FXN: variants seen among roughly 807,000 people sequenced by gnomAD.
FXN encodes frataxin, mitochondrial.
A neutral mutation model predicts 22.4 loss-of-function variants in FXN; 14 were observed. The observed-to-expected ratio is 0.62, with a 90% CI of 0.41 to 0.98. FXN has a LOEUF of 0.98. Ranked by LOEUF, FXN falls within the 50% of genes least tolerant of loss-of-function variation. FXN has a pLI of 0.00. For missense variants in FXN, 267 were observed against 268.4 expected, an observed-to-expected ratio of 0.99 and a Z score of 0.04; for synonymous variants, 120 against 114.1, an observed-to-expected ratio of 1.05 and a Z score of -0.33.
chr9:69,057,051 T>A (rs906658829), intron 3 of FXN, among the ~76,000 whole-genome samples: 1 of 152,154 alleles, frequency 6.6e-6, no homozygotes, highest in Non-Finnish European at 1.5e-5. Context: ...ATTACAGGCA[T>A]GAGCCACCAT....
chr9:69,072,608 C>G lies in FXN; in HGVS notation c.483-4C>G, dbSNP rs1832294732. On this transcript the variant is annotated splice_region_variant and splice_polypyrimidine_tract_variant and intron_variant, in intron 4 of 4. Coordinates refer to ENST00000484259, the MANE Select transcript of FXN (RefSeq NM_000144.5). The stretch of plus-strand genomic sequence containing the variant: ...AATTACTATGCATTTGTTTTGTCTT[C>G]CAGTGGACCTAAGCGTTATGACTGG... 6.2e-7 allele frequency: 1 copy of G among 1,613,960 alleles called. No individual in the cohort carries two copies. Among genetic ancestry groups the G allele is most frequent in the African/African-American group, 1.3e-5 (1 of 74,894 alleles).
intron 3 of FXN, among the ~76,000 whole-genome samples, chr9:69,058,438 A>G (rs144227164): frequency 0.01 from 1,526 of 151,984 alleles, 14 homozygotes; most frequent in Non-Finnish European, 0.018. Context: ...TAGATATTTT[A>G]ATAAGGATTT....
chr9:69,078,032 C>T lies in FXN; in HGVS notation c.*5270C>T, dbSNP rs915058069. On this transcript the variant is annotated 3_prime_UTR_variant, in exon 5 of 5. Coordinates refer to ENST00000484259, the MANE Select transcript of FXN (RefSeq NM_000144.5). ...TCCCAATTACATTCCTTTCCTACCG[C>T]ACTCTATGATGCTAGCTGAGATTTT... The T allele has an allele frequency of 6.1e-6, 6 of 985,370 alleles. No individual in the cohort carries two copies. Among genetic ancestry groups the T allele is most frequent in the Non-Finnish European group, 7.2e-6 (6 of 829,902 alleles). The allele number at this position is 985,370 out of a possible 1,614,324, so 61.0% of individuals were successfully genotyped here. A position where few individuals can be genotyped will look rare whatever the true frequency, so the allele number is the denominator to read the frequency against.
chr9:69,071,629 GC>G (rs1208436220), intron 4 of FXN, among the ~76,000 whole-genome samples: 2 of 152,220 alleles, frequency 1.3e-5, no homozygotes, highest in Admixed American at 1.3e-4. Context: ...ACGTGCATGT[GC>G]CATTATTCAC....
At chr9:69,053,830 G>T (rs1186054086) in intron 3 of FXN, among the ~76,000 whole-genome samples, 2 of 152,144 alleles carry the variant, frequency 1.3e-5, no homozygotes, top group African/African-American at 4.8e-5. Context: ...ACAGTGATGG[G>T]GTAGGTCGGG....
chr9:69,067,067 G>A (rs1005836304), intron 4 of FXN, among the ~76,000 whole-genome samples: 1 of 152,248 alleles, frequency 6.6e-6, no homozygotes, highest in Non-Finnish European at 1.5e-5. Context: ...AGAGAAGCGG[G>A]CCCTGAGGAC....
chr9:69,070,627 T>C (rs955316169), intron 4 of FXN, among the ~76,000 whole-genome samples: 1 of 152,222 alleles, frequency 6.6e-6, no homozygotes, highest in Admixed American at 6.5e-5. Flanking sequence ...GCAACTGTTA[T>C]TGGTTGATGC....
At chr9:69,039,064 C>T (rs1831610848) in intron 1 of FXN, among the ~76,000 whole-genome samples, 6 of 151,930 alleles carry the variant, frequency 3.9e-5, no homozygotes, top group South Asian at 4.2e-4. Flanking sequence ...ACCAGCCTGG[C>T]CAACATGGTG....
At chr9:69,061,626 G>A (rs1323424189) in intron 3 of FXN, among the ~76,000 whole-genome samples, 2 of 151,560 alleles carry the variant, frequency 1.3e-5, no homozygotes, top group African/African-American at 2.4e-5. Context: ...CCATTAACTC[G>A]TCATTTAGCA....
At chr9:69,052,487 G>C (rs1407722469) in intron 2 of FXN, among the ~76,000 whole-genome samples, 1 of 151,316 alleles carries the variant, frequency 6.6e-6, no homozygotes, top group Admixed American at 6.6e-5. Context: ...AGTTGCCTCT[G>C]GGAATGGGGG....
At chr9:69,045,524 C>G (rs986860530) in intron 1 of FXN, among the ~76,000 whole-genome samples, 1 of 151,880 alleles carries the variant, frequency 6.6e-6, no homozygotes, top group African/African-American at 2.4e-5. Flanking sequence ...ACCCGGGAGG[C>G]GGGGGTTGCA....
At chr9:69,054,817 G>A (rs1003506103) in intron 3 of FXN, among the ~76,000 whole-genome samples, 10 of 152,146 alleles carry the variant, frequency 6.6e-5, no homozygotes, top group Admixed American at 6.6e-4. Context: ...CCTCAAAGAT[G>A]TTAATCCTCT....
intron 3 of FXN, among the ~76,000 whole-genome samples, chr9:69,055,426 G>T (rs1191647864): frequency 6.6e-6 from 1 of 152,014 alleles, no homozygotes; most frequent in African/African-American, 2.4e-5. Context: ...AGAGTACTTT[G>T]CATGAATGTT....
At chr9:69,050,426 C>A (rs201863916) in intron 2 of FXN, among the ~76,000 whole-genome samples, 3 of 118 alleles carry the variant, frequency 0.025, 1 homozygote, top group Non-Finnish European at 1. Context: ...AGCTGATGAT[C>A]CTGGCTAACA....
intron 4 of FXN, among the ~76,000 whole-genome samples, chr9:69,065,359 C>T (rs1039374659): frequency 6.6e-6 from 1 of 152,052 alleles, no homozygotes; most frequent in African/African-American, 2.4e-5. Context: ...TGGGCAATGT[C>T]ACAAAGCCCC....
intron 4 of FXN, among the ~76,000 whole-genome samples, chr9:69,068,061 CTCTT>C (rs1832204609): frequency 6.7e-6 from 1 of 148,758 alleles, no homozygotes; most frequent in Non-Finnish European, 1.5e-5. Context: ...GGGAGACAGA[CTCTT>C]TGTAGGTGGG....
intron 1 of FXN, among the ~76,000 whole-genome samples, chr9:69,037,239 C>T (rs1831567668): frequency 9.4e-6 from 1 of 106,360 alleles, no homozygotes; most frequent in African/African-American, 3.4e-5. Flanking sequence ...ACCTGGCCAA[C>T]ATGGTGAAAC....
At chr9:69,044,609 C>T (rs1016727562) in intron 1 of FXN, among the ~76,000 whole-genome samples, 3 of 152,180 alleles carry the variant, frequency 2.0e-5, no homozygotes, top group South Asian at 2.1e-4. Flanking sequence ...CCCTTCGGTG[C>T]CTTCCCAGGA....
rs563558223 is a variant in FXN, at chr9:69,064,908, T to C, written c.385-30T>C. The stretch of plus-strand genomic sequence containing the variant: ...GCTAACTTTTTCTTGTTTTAATTTC[T>C]TTATGCTTTTTTTCCACCTAATCCC... On this transcript the variant is annotated intron_variant, in intron 3 of 4. Coordinates refer to ENST00000484259, the MANE Select transcript of FXN (RefSeq NM_000144.5). 6 of 1,387,826 alleles carry C rather than the reference T, an allele frequency of 4.3e-6. No individual in the cohort carries two copies. The Admixed American group carries it at 1.0e-4, about 23-fold the overall frequency. The allele number at this position is 1,387,826 out of a possible 1,614,324, so 86.0% of individuals were successfully genotyped here.
Sources: gnomAD v4.1 joint callset for allele counts (sites outside exome capture counted in the v4.1 genomes callset) on GRCh38, gnomAD v4.1.1 for gene constraint, MANE v1.5 for transcripts, NCBI Gene and HGNC (gene_info 2026-07-23, HGNC 2026-07-21) for gene names.